Variants in HPSE2 observed in about 807,000 individuals in gnomAD.
HPSE2 encodes heparanase 2 (inactive).
Under a neutral mutation model 60.5 loss-of-function variants are expected in HPSE2, and 38 were observed. The ratio of observed to expected loss-of-function variants is 0.63; its 90% confidence interval spans 0.48 to 0.82. The LOEUF (loss-of-function observed/expected upper bound fraction) is 0.82. HPSE2 is among the 40% of genes least tolerant of loss of function. The pLI, the probability that HPSE2 is intolerant of heterozygous loss-of-function variation, is 0.00. For synonymous variants in HPSE2, 295 were observed against 293.2 expected (o/e 1.01, Z -0.06); for missense variants, 713 against 740.4 (o/e 0.96, Z 0.43).
rs184825753 is a variant in HPSE2, at chr10:98,880,777, C to G, written c.611-136721G>C. Reference sequence around the variant, plus strand: ...ATTTTGCACTGCATATCCTTTTGTACCATTGGAGGTTTTTTCCATGTTTAA... The same window carrying G: ...ATTTTGCACTGCATATCCTTTTGTAGCATTGGAGGTTTTTTCCATGTTTAA... On this transcript the variant is annotated intron_variant, in intron 3 of 11. Coordinates refer to ENST00000370552, the MANE Select transcript of HPSE2 (RefSeq NM_021828.5). 1.5e-4 allele frequency among the ~76,000 whole-genome samples: 23 copies of G among 152,086 alleles called. No individual in the cohort carries two copies. The East Asian group carries it at 1.7e-3, about 12-fold the overall frequency.
chr10:98,955,514 T>C (rs1279613474), intron 3 of HPSE2, among the ~76,000 whole-genome samples: 2 of 152,128 alleles, frequency 1.3e-5, no homozygotes, highest in African/African-American at 4.8e-5. Context: ...TTTGTAGGAA[T>C]ATAAATTAGT....
At chr10:98,698,784 T>C (rs1421320033) in intron 5 of HPSE2, among the ~76,000 whole-genome samples, 3 of 151,922 alleles carry the variant, frequency 2.0e-5, no homozygotes, top group South Asian at 2.1e-4. Flanking sequence ...ATCAAATAGA[T>C]GCAATAAAAA....
Position 99,217,774 on chromosome 10 carries a change from C to T in HPSE2, c.448+14574G>A, listed in dbSNP as rs777115561. ...CAGCTAACTTTTTATTTTGTAGAGA[C>T]GGGGTCCCCCTATGTTGCCTAGGCT... On this transcript the variant is annotated intron_variant, in intron 2 of 11. Coordinates refer to ENST00000370552, the MANE Select transcript of HPSE2 (RefSeq NM_021828.5). 3.9e-5 allele frequency among the ~76,000 whole-genome samples: 6 copies of T among 151,998 alleles called. No homozygotes were observed. The East Asian group carries it at 5.8e-4, about 15-fold the overall frequency.
upstream of HPSE2, among the ~76,000 whole-genome samples, chr10:99,236,806 G>A (rs1849868783): frequency 6.6e-6 from 1 of 152,194 alleles, no homozygotes; most frequent in Admixed American, 6.5e-5. Flanking sequence ...CCTGAGCTGT[G>A]CTTGGATAGT....
the HPSE2 span, among the ~76,000 whole-genome samples, chr10:99,297,547 A>T: frequency 6.6e-6 from 1 of 152,112 alleles, no homozygotes; most frequent in African/African-American, 2.4e-5. Flanking sequence ...ACTCCATTGT[A>T]TTGTTCCATC....
At chr10:98,591,692 A>G (rs565034854) in intron 9 of HPSE2, among the ~76,000 whole-genome samples, 3 of 152,080 alleles carry the variant, frequency 2.0e-5, no homozygotes, top group Non-Finnish European at 4.4e-5. Flanking sequence ...AAATAAATAA[A>G]TCAGGATATC....
At chr10:98,870,977 T>C (rs1952716131) in intron 3 of HPSE2, among the ~76,000 whole-genome samples, 1 of 149,854 alleles carries the variant, frequency 6.7e-6, no homozygotes, top group African/African-American at 2.5e-5. Context: ...AATTTCCTCC[T>C]CTCTCTCTTG....
chr10:98,469,778 A>C (rs1940700343), intron 11 of HPSE2, among the ~76,000 whole-genome samples: 1 of 152,212 alleles, frequency 6.6e-6, no homozygotes, highest in Admixed American at 6.5e-5. Flanking sequence ...CCAAACCCTT[A>C]GTGATCTCAT....
chr10:98,855,430 C>A (rs1952289186), intron 3 of HPSE2, among the ~76,000 whole-genome samples: 1 of 152,080 alleles, frequency 6.6e-6, no homozygotes, highest in Non-Finnish European at 1.5e-5. Flanking sequence ...GTAATAACCA[C>A]TCTGGGAAAG....
rs531694107 is a variant in HPSE2 at position 98,708,449 on chromosome 10, A to C, written c.956+13208T>G. 5.5e-4 allele frequency among the ~76,000 whole-genome samples: 58 copies of C among 106,008 alleles called. 2 individuals carry two copies. The South Asian group carries it at 0.023, about 43-fold the overall frequency. 69.5% of individuals were successfully genotyped at this position (106,008 alleles called of 152,430 possible). On this transcript the variant is annotated intron_variant, in intron 5 of 11. Coordinates refer to ENST00000370552, the MANE Select transcript of HPSE2 (RefSeq NM_021828.5). ...CCAGCCTGGGCGACAGAGTGAGACT[A>C]CGTCTCAAAAAAAAAAAAAAAAATT...
At chr10:99,312,443 T>G in the HPSE2 span, among the ~76,000 whole-genome samples, 1 of 152,250 alleles carries the variant, frequency 6.6e-6, no homozygotes. Context: ...GAACGTTAAA[T>G]CTACTTTGCC....
chr10:99,094,940 C>T (rs532292642), intron 3 of HPSE2, among the ~76,000 whole-genome samples: 80 of 152,122 alleles, frequency 5.3e-4, no homozygotes, highest in Non-Finnish European at 7.5e-4. Flanking sequence ...ATAATCCCAG[C>T]ACTTTGGGAG....
At chr10:98,993,953 C>T (rs1302097520) in intron 3 of HPSE2, among the ~76,000 whole-genome samples, 3 of 152,178 alleles carry the variant, frequency 2.0e-5, no homozygotes, top group African/African-American at 4.8e-5. Flanking sequence ...ACTTCTTTTG[C>T]CACAATGATG....
rs191987378 is a variant in HPSE2, at chr10:98,811,000, C to T, written c.611-66944G>A. Reference sequence around the variant, plus strand: ...TACAAACCCTTTAATGGCTTCCTACCGCTCTTAAGATAAAAAATTACTGTA... The same window carrying T: ...TACAAACCCTTTAATGGCTTCCTACTGCTCTTAAGATAAAAAATTACTGTA... On this transcript the variant is annotated intron_variant, in intron 3 of 11. Coordinates refer to ENST00000370552, the MANE Select transcript of HPSE2 (RefSeq NM_021828.5). Among the ~76,000 whole-genome samples the T allele has an allele frequency of 5.9e-5, 9 of 152,100 alleles. No individual in the cohort carries two copies. In the East Asian group the frequency reaches 1.5e-3, roughly 26 times the overall value.
intron 2 of HPSE2, among the ~76,000 whole-genome samples, chr10:99,184,786 T>TTTTATATA (rs1431394305): frequency 4.7e-4 from 12 of 25,282 alleles, no homozygotes; most frequent in African/African-American, 1.6e-3. Context: ...CTATCCAAAA[T>TTTTATATA]TATATATATA....
chr10:99,306,792 C>T, the HPSE2 span, among the ~76,000 whole-genome samples: 1 of 152,192 alleles, frequency 6.6e-6, no homozygotes, highest in African/African-American at 2.4e-5. Flanking sequence ...TCACTGCAAC[C>T]TCCACCTCCC....
chr10:98,724,081 T>C (rs887369841), intron 4 of HPSE2, among the ~76,000 whole-genome samples: 4 of 152,142 alleles, frequency 2.6e-5, no homozygotes, highest in African/African-American at 9.7e-5. Context: ...AGATCTTTCC[T>C]GCTTTCTCTT....
intron 3 of HPSE2, among the ~76,000 whole-genome samples, chr10:98,902,080 G>A (rs544029475): frequency 1.3e-4 from 19 of 151,716 alleles, no homozygotes; most frequent in East Asian, 7.8e-4. Context: ...TATTTTTTTC[G>A]GCATTAAAGA....
intron 8 of HPSE2, 23 bp downstream of exon 8, chr10:98,620,579 G>A (rs779095159): frequency 1.3e-6 from 2 of 1,559,258 alleles, no homozygotes; most frequent in East Asian, 4.5e-5. Context: ...GCCCCTGGGG[G>A]TGAACTTGCA....
Sources: gnomAD v4.1 joint callset for allele counts (sites outside exome capture counted in the v4.1 genomes callset) on GRCh38, gnomAD v4.1.1 for gene constraint, MANE v1.5 for transcripts, NCBI Gene and HGNC (gene_info 2026-07-23, HGNC 2026-07-21) for gene names.